ZNF562: variants seen among roughly 807,000 people sequenced by gnomAD.
ZNF562 encodes zinc finger protein 562.
ZNF562 carries 13 observed loss-of-function variants against 17.5 expected under a neutral mutation model. That is an observed-to-expected ratio of 0.74 (90% CI 0.48 to 1.18). The LOEUF is 1.18. Ranked by LOEUF, ZNF562 falls within the 50% of genes most tolerant of loss-of-function variation. The pLI, the probability that ZNF562 is intolerant of heterozygous loss-of-function variation, is 0.00. For missense variants in ZNF562, 481 were observed against 498.5 expected (o/e 0.96, Z 0.33); for synonymous variants, 163 against 165.4 (o/e 0.99, Z 0.11).
intron 1 of ZNF562, among the ~76,000 whole-genome samples, chr19:9,668,754 T>TA (rs938980775): frequency 2.7e-4 from 41 of 151,460 alleles, no homozygotes; most frequent in African/African-American, 6.3e-4. Flanking sequence ...GGTACTGACA[T>TA]AAAAAAAACA....
chr19:9,665,053 C>A (rs1445695805), intron 1 of ZNF562, among the ~76,000 whole-genome samples: 1 of 152,064 alleles, frequency 6.6e-6, no homozygotes, highest in Non-Finnish European at 1.5e-5. Context: ...GAAACCCTGT[C>A]TCTACTGAAA....
rs1568259969 is a variant in ZNF562 at position 9,653,455 on chromosome 19, A to T, written c.775T>A (p.Ser259Thr). The T allele has an allele frequency of 1.2e-6, 2 of 1,614,064 alleles. No homozygotes were observed. The highest frequency in any genetic ancestry group is 1.7e-6 in the Non-Finnish European group (2 of 1,180,028). ...QCVAVHTGKKSEKTKNCGKSF... is the reference protein window; with the variant it reads ...QCVAVHTGKKTEKTKNCGKSF... Reference sequence around the variant, plus strand: ...TTCCCACAGTTCTTAGTCTTTTCGGATTTCTTTCCAGTATGAACTGCTACA... The same window carrying T: ...TTCCCACAGTTCTTAGTCTTTTCGGTTTTCTTTCCAGTATGAACTGCTACA... Residue 259 changes from serine (S) to threonine (T), a missense_variant, in exon 6 of 6, where the codon TCC becomes ACC. Transcript: ENST00000453372.
At position 9,645,019 on chromosome 19, in the gene ZNF562, G is replaced by A. The variant is rs1388035484; in HGVS notation, c.*7930C>T. ...TTTCTCATTGCAGCTCATAGTGGGAGATGCCCAGTCTCTCTGTGAACATTG... is the reference window on the plus strand; with the variant it reads ...TTTCTCATTGCAGCTCATAGTGGGAAATGCCCAGTCTCTCTGTGAACATTG... On this transcript the variant is annotated 3_prime_UTR_variant, in exon 6 of 6. Transcript: ENST00000453372. 1 of 152,046 alleles carries A rather than the reference G, an allele frequency of 6.6e-6. No individual in the cohort carries two copies. Among genetic ancestry groups the A allele is most frequent in the Non-Finnish European group, 1.5e-5 (1 of 68,060 alleles). The allele number at this position is 152,046 out of a possible 1,614,324, so 9.4% of individuals were successfully genotyped here. A position where few individuals can be genotyped will look rare whatever the true frequency, so the allele number is the denominator to read the frequency against.
intron 1 of ZNF562, among the ~76,000 whole-genome samples, chr19:9,672,348 T>C (rs951097423): frequency 1.3e-5 from 2 of 152,184 alleles, no homozygotes; most frequent in African/African-American, 4.8e-5. Flanking sequence ...TGCCTATTTT[T>C]AGGAGGTGCA....
At position 9,643,327 on chromosome 19, in the gene ZNF562, C is replaced by A; in HGVS notation, c.*9622G>T. Reference sequence around the variant, plus strand: ...TGAGATCACGCCACTGCACTCCAGCCTGGGTGACAGAGCGAGACTCTGTCA... The same window carrying A: ...TGAGATCACGCCACTGCACTCCAGCATGGGTGACAGAGCGAGACTCTGTCA... On this transcript the variant is annotated 3_prime_UTR_variant, in exon 6 of 6. Transcript: ENST00000453372. 6.6e-6 allele frequency: 1 copy of A among 152,044 alleles called. No individual in the cohort carries two copies. Among genetic ancestry groups the A allele is most frequent in the Non-Finnish European group, 1.5e-5 (1 of 68,026 alleles). 9.4% of individuals were successfully genotyped at this position (152,044 alleles called of 1,614,324 possible).
chr19:9,657,969 G>C, intron 4 of ZNF562, 40 bp downstream of exon 4: 1 of 1,591,254 alleles, frequency 6.3e-7, no homozygotes, highest in Middle Eastern at 1.7e-4. Flanking sequence ...GGGACTACAG[G>C]TGCAGGCCAC....
At position 9,659,280 on chromosome 19, in the gene ZNF562, C is replaced by T. The variant is rs2043633958; in HGVS notation, c.114+99G>A. 2.0e-5 allele frequency: 22 copies of T among 1,120,154 alleles called. No homozygotes were observed. The South Asian group carries it at 2.1e-4, about 11-fold the overall frequency. 69.4% of individuals were successfully genotyped at this position (1,120,154 alleles called of 1,614,324 possible). ...CAGTCCTTGAGTAAGGCTTCATTTGCTCTAAGAAAACTCTGGAGATGAGTC... is the reference window on the plus strand; with the variant it reads ...CAGTCCTTGAGTAAGGCTTCATTTGTTCTAAGAAAACTCTGGAGATGAGTC... On this transcript the variant is annotated intron_variant, in intron 3 of 5. Coordinates refer to ENST00000453372, the MANE Select transcript of ZNF562 (RefSeq NM_001130031.2).
In ZNF562 at chr19:9,646,370, G is replaced by T. The variant is rs757083672; in HGVS notation, c.*6579C>A. On this transcript the variant is annotated 3_prime_UTR_variant, in exon 6 of 6. Coordinates refer to ENST00000453372, the MANE Select transcript of ZNF562 (RefSeq NM_001130031.2). ...CAGACATCAGCCACTATGCCCAGCGGTATACAGATTTTTTAAAACTCCAGC... is the reference window on the plus strand; with the variant it reads ...CAGACATCAGCCACTATGCCCAGCGTTATACAGATTTTTTAAAACTCCAGC... 4.6e-5 allele frequency: 7 copies of T among 152,106 alleles called. No individual in the cohort carries two copies. The highest frequency in any genetic ancestry group is 1.7e-4 in the African/African-American group (7 of 41,484). The allele number at this position is 152,106 out of a possible 1,614,324, so 9.4% of individuals were successfully genotyped here. A position where few individuals can be genotyped will look rare whatever the true frequency, so the allele number is the denominator to read the frequency against.
At chr19:9,664,087 A>C (rs2043857595) in intron 1 of ZNF562, among the ~76,000 whole-genome samples, 1 of 151,820 alleles carries the variant, frequency 6.6e-6, no homozygotes, top group Non-Finnish European at 1.5e-5. Context: ...TTGTTTTTTA[A>C]GACAGAGTTT....
Position 9,653,806 on chromosome 19 carries a change from T to C in ZNF562, c.424A>G (p.Thr142Ala). 1 of 1,613,646 alleles carries C rather than the reference T, an allele frequency of 6.2e-7. No homozygotes were observed. The highest frequency in any genetic ancestry group is 8.5e-7 in the Non-Finnish European group (1 of 1,179,812). ...CCTCCATTCTGAGCTCTCATGTGTGTCTTAAGGCAAAACTGTTCACTGAAG... is the reference window on the plus strand; with the variant it reads ...CCTCCATTCTGAGCTCTCATGTGTGCCTTAAGGCAAAACTGTTCACTGAAG... ...EVFSEQFCLK[T>A]HMRAQNGGNT... Residue 142 changes from threonine (T) to alanine (A), a missense_variant, in exon 6 of 6, where the codon ACA becomes GCA. Coordinates refer to ENST00000453372, the MANE Select transcript of ZNF562 (RefSeq NM_001130031.2).
In ZNF562 at chr19:9,647,711, C is replaced by G. The variant is rs1024606335; in HGVS notation, c.*5238G>C. ...ACTAAAAATACAAAAATCAGCCAGG[C>G]AAGGTGGAGGCTGTCTGTAATCTCA... On this transcript the variant is annotated 3_prime_UTR_variant, in exon 6 of 6. Transcript: ENST00000453372. The G allele has an allele frequency of 1.3e-5, 2 of 151,898 alleles. No individual in the cohort carries two copies. The highest frequency in any genetic ancestry group is 6.6e-5 in the Admixed American group (1 of 15,214). The allele number at this position is 151,898 out of a possible 1,614,324, so 9.4% of individuals were successfully genotyped here.
intron 1 of ZNF562, among the ~76,000 whole-genome samples, chr19:9,665,185 G>A (rs1221744534): frequency 6.8e-6 from 1 of 147,924 alleles, no homozygotes; most frequent in Non-Finnish European, 1.5e-5. Context: ...TCGTGCCACT[G>A]CACTCCAGCC....
chr19:9,669,717 A>AGCGCGCGC (rs3074896), intron 1 of ZNF562, among the ~76,000 whole-genome samples: 3 of 98,940 alleles, frequency 3.0e-5, no homozygotes, highest in African/African-American at 6.8e-5. Context: ...CACGCGCGCG[A>AGCGCGCGC]GCGCGCGCGC....
rs2144934938 is a variant in ZNF562, at chr19:9,641,874, GGGT to G, written c.*11072_*11074del. ...GCTGTCCAACAAAACAGTCAGCAAA[GGGT>G]GGTGGGATTATCATTAGTTCTCATA... is the stretch of plus-strand genomic sequence containing the variant. On this transcript the variant is annotated 3_prime_UTR_variant, in exon 6 of 6. Coordinates refer to ENST00000453372, the MANE Select transcript of ZNF562 (RefSeq NM_001130031.2). 1 of 152,346 alleles carries G rather than the reference GGGT, an allele frequency of 6.6e-6. No homozygotes were observed. The highest frequency in any genetic ancestry group is 2.1e-4 in the South Asian group (1 of 4,826). 9.4% of individuals were successfully genotyped at this position (152,346 alleles called of 1,614,324 possible). A position where few individuals can be genotyped will look rare whatever the true frequency, so the allele number is the denominator to read the frequency against.
At chr19:9,667,353 GAACGAAT>G (rs1279972299) in intron 1 of ZNF562, among the ~76,000 whole-genome samples, 3 of 152,028 alleles carry the variant, frequency 2.0e-5, no homozygotes, top group Non-Finnish European at 4.4e-5. Context: ...ACTGTGTATA[GAACGAAT>G]ATACCTCAAA....
intron 5 of ZNF562, among the ~76,000 whole-genome samples, 160 bp from the exon 6 acceptor site, chr19:9,654,041 A>G (rs1050894053): frequency 2.0e-5 from 3 of 148,880 alleles, no homozygotes; most frequent in African/African-American, 7.6e-5. Flanking sequence ...CCCAGTCTAC[A>G]GTGCAGTGGC....
intron 1 of ZNF562, among the ~76,000 whole-genome samples, chr19:9,674,429 C>T (rs2044322602): frequency 6.6e-6 from 1 of 151,762 alleles, no homozygotes; most frequent in Non-Finnish European, 1.5e-5. Context: ...ATCTAACAAT[C>T]ACTTGAACCC....
At chr19:9,674,157 C>T (rs1057123990) in intron 1 of ZNF562, among the ~76,000 whole-genome samples, 1 of 152,000 alleles carries the variant, frequency 6.6e-6, no homozygotes, top group African/African-American at 2.4e-5. Flanking sequence ...TTCCAATTGG[C>T]TAATTTAAAG....
Position 9,642,444 on chromosome 19 carries a change from T to TA in ZNF562, c.*10504dup, listed in dbSNP as rs1420159109. On this transcript the variant is annotated 3_prime_UTR_variant, in exon 6 of 6. Coordinates refer to ENST00000453372, the MANE Select transcript of ZNF562 (RefSeq NM_001130031.2). Reference sequence around the variant, plus strand: ...TGCACCACCACATCCAGCTAATTTTTAAAAATATATTTTGTAGAGAAGAGA... The same window carrying TA: ...TGCACCACCACATCCAGCTAATTTTTAAAAAATATATTTTGTAGAGAAGAGA... 3 of 152,004 alleles carry TA rather than the reference T, an allele frequency of 2.0e-5. No individual in the cohort carries two copies. Among genetic ancestry groups the TA allele is most frequent in the Non-Finnish European group, 4.4e-5 (3 of 68,010 alleles). The allele number at this position is 152,004 out of a possible 1,614,324, so 9.4% of individuals were successfully genotyped here.
Sources: gnomAD v4.1 joint callset for allele counts (sites outside exome capture counted in the v4.1 genomes callset) on GRCh38, gnomAD v4.1.1 for gene constraint, MANE v1.5 for transcripts, NCBI Gene and HGNC (gene_info 2026-07-23, HGNC 2026-07-21) for gene names.